SPPL2A: variants seen among roughly 807,000 people sequenced by gnomAD.
The protein encoded by SPPL2A is signal peptide peptidase-like 2A.
In SPPL2A, 51 loss-of-function variants were observed where a neutral mutation model predicts 63.8. The ratio of observed to expected loss-of-function variants is 0.80; its 90% CI spans 0.64 to 1.01. SPPL2A has a LOEUF of 1.01. Among genes scored for constraint, SPPL2A ranks in the 50% least tolerant of loss-of-function variants. The pLI is 0.00. For missense variants in SPPL2A, 553 were observed against 622.7 expected, an observed-to-expected ratio of 0.89 and a Z score of 1.19; for synonymous variants, 188 against 205.8, an observed-to-expected ratio of 0.91 and a Z score of 0.74.
intron 14 of SPPL2A, among the ~76,000 whole-genome samples, chr15:50,709,364 G>A (rs1046814931): frequency 1.2e-4 from 19 of 152,152 alleles, no homozygotes; most frequent in African/African-American, 4.6e-4. Flanking sequence ...GAAGGCTTTA[G>A]TGTTTTTTGG....
intron 1 of SPPL2A, among the ~76,000 whole-genome samples, chr15:50,753,105 A>C (rs2062924107): frequency 1.3e-5 from 2 of 152,218 alleles, no homozygotes; most frequent in Non-Finnish European, 2.9e-5. Flanking sequence ...ACATTATGAT[A>C]TGCACAGTAC....
intron 13 of SPPL2A, among the ~76,000 whole-genome samples, chr15:50,720,864 T>G (rs2062640898): frequency 6.6e-6 from 1 of 152,108 alleles, no homozygotes; most frequent in Non-Finnish European, 1.5e-5. Context: ...ACATAGGATC[T>G]CAGAATATTC....
rs1220442923 is a variant in SPPL2A at position 50,722,201 on chromosome 15, C to A, written c.1250G>T (p.Gly417Val). 1 of 1,565,724 alleles carries A rather than the reference C, an allele frequency of 6.4e-7. No individual in the cohort carries two copies. Among genetic ancestry groups the A allele is most frequent in the Non-Finnish European group, 8.8e-7 (1 of 1,141,146 alleles). ...TCTTCTACAGTATGCAATCAACAGG[C>A]CTTAAAAACAAAACAAAACATTATT... ...ILGFGDIIVP[G>V]LLIAYCRRFD... The change falls in exon 13 of 15, where the codon GGC (glycine) becomes GTC (valine). Residue 417 changes from glycine (G) to valine (V), a missense_variant and splice_region_variant. Physicochemically the swap from Gly to Val is moderately radical, Grantham distance 109. Transcript: ENST00000261854.
At chr15:50,757,604 C>T (rs1209287164) in intron 1 of SPPL2A, among the ~76,000 whole-genome samples, 1 of 152,132 alleles carries the variant, frequency 6.6e-6, no homozygotes, top group Non-Finnish European at 1.5e-5. Context: ...TCCTTACACA[C>T]AAAGGAAGCA....
At chr15:50,734,098 A>T (rs929207960) in intron 8 of SPPL2A, among the ~76,000 whole-genome samples, 4 of 152,152 alleles carry the variant, frequency 2.6e-5, no homozygotes, top group African/African-American at 9.7e-5. Context: ...TCCTCAAAAA[A>T]ACTAAAAACA....
intron 14 of SPPL2A, among the ~76,000 whole-genome samples, chr15:50,709,520 G>A (rs1443570640): frequency 3.3e-5 from 5 of 152,080 alleles, no homozygotes; most frequent in African/African-American, 7.2e-5. Context: ...GGCCGGGCGC[G>A]GTGGCTCACG....
At chr15:50,711,980 C>T (rs1189079202) in intron 14 of SPPL2A, among the ~76,000 whole-genome samples, 1 of 152,170 alleles carries the variant, frequency 6.6e-6, no homozygotes, top group Non-Finnish European at 1.5e-5. Flanking sequence ...ATGACAATTA[C>T]AGTCATTTTA....
chr15:50,745,548 CTT>C (rs34633198), intron 5 of SPPL2A, among the ~76,000 whole-genome samples: 8,699 of 118,100 alleles, frequency 0.074, 924 homozygotes, highest in African/African-American at 0.26. Context: ...TGCAGCTGGC[CTT>C]TTTTTTTTTT....
chr15:50,749,945 C>T (rs2062893821), intron 1 of SPPL2A, 199 bp from the exon 2 acceptor site: 2 of 572,168 alleles, frequency 3.5e-6, no homozygotes, highest in African/African-American at 1.9e-5. Flanking sequence ...CCCAGCACAC[C>T]TTCTTTAAGG....
intron 3 of SPPL2A, 104 bp from the exon 4 acceptor site, chr15:50,748,306 GAC>G (rs2062875676): frequency 4.0e-6 from 2 of 500,902 alleles, no homozygotes; most frequent in Admixed American, 8.2e-5. Context: ...TAAGTTATAA[GAC>G]AAAATTTCAG....
At position 50,736,121 on chromosome 15, in the gene SPPL2A, A is replaced by T; in HGVS notation, c.912T>A (p.Ala304=). The T allele has an allele frequency of 6.2e-7, 1 of 1,610,418 alleles. No individual in the cohort carries two copies. The highest frequency in any genetic ancestry group is 1.7e-4 in the Middle Eastern group (1 of 6,044). ...GLCIAVAVVW[A]VFRNEDRWAW... The stretch of plus-strand genomic sequence containing the variant: ...CATACCTGTCTTCATTTCGAAACAC[A>T]GCCCAAACAACAGCTACTGCTATGC... Residue 304 remains alanine, a synonymous_variant, in exon 8 of 15, where the codon GCT becomes GCA. Transcript: ENST00000261854.
At chr15:50,726,993 T>G (rs979310171) in intron 10 of SPPL2A, among the ~76,000 whole-genome samples, 5 of 152,152 alleles carry the variant, frequency 3.3e-5, no homozygotes, top group African/African-American at 1.2e-4. Flanking sequence ...ATCAAAACAT[T>G]AACCTTAGCT....
At chr15:50,732,496 A>C (rs1567157507) in intron 9 of SPPL2A, 107 bp downstream of exon 9, 1 of 647,144 alleles carries the variant, frequency 1.5e-6, no homozygotes, top group Non-Finnish European at 2.7e-6. Context: ...AATTTTCATA[A>C]ACAGTACGCC....
In SPPL2A at chr15:50,761,322, A is replaced by T. The variant is rs142607990; in HGVS notation, c.66+4146T>A. Among the ~76,000 whole-genome samples, 369 of 152,264 alleles carry T rather than the reference A, an allele frequency of 2.4e-3. 3 individuals carry two copies. The highest frequency in any genetic ancestry group is 8.4e-3 in the African/African-American group (349 of 41,562). On this transcript the variant is annotated intron_variant, in intron 1 of 14. Coordinates refer to ENST00000261854, the MANE Select transcript of SPPL2A (RefSeq NM_032802.4). Reference sequence around the variant, plus strand: ...TCTTCAAAGAACTTTGAAGCAATTTAAAAAGACAGAGCTGCCGGGCACGGT... The same window carrying T: ...TCTTCAAAGAACTTTGAAGCAATTTTAAAAGACAGAGCTGCCGGGCACGGT...
chr15:50,749,741 G>A lies in SPPL2A; in HGVS notation c.72C>T (p.Ala24=), dbSNP rs1411958650. The A allele has an allele frequency of 1.1e-5, 18 of 1,605,472 alleles. No homozygotes were observed. The highest frequency in any genetic ancestry group is 5.4e-5 in the African/African-American group (4 of 74,734). ...ACGCATGCAAGATTGCTTCCTGAGC[G>A]GCTGTCTAGGAGACAAACAATAACT... ...LLWGFLLQLT[A]AQEAILHASG... The change falls in exon 2 of 15, where the codon GCC becomes GCT. Residue 24 remains alanine, a synonymous_variant. Transcript: ENST00000261854.
intron 1 of SPPL2A, among the ~76,000 whole-genome samples, chr15:50,752,947 T>G (rs2062922696): frequency 6.6e-6 from 1 of 152,092 alleles, no homozygotes; most frequent in African/African-American, 2.4e-5. Context: ...ATGAGCAGCA[T>G]CTATCAAAAA....
chr15:50,719,818 A>G (rs1199570566), intron 14 of SPPL2A, 122 bp downstream of exon 14: 4 of 597,044 alleles, frequency 6.7e-6, no homozygotes, highest in Non-Finnish European at 8.7e-6. Context: ...GACAGTGAGT[A>G]AGGGGGTATT....
In SPPL2A at chr15:50,736,202, C is replaced by A. The variant is rs1404162256; in HGVS notation, c.831G>T (p.Thr277=). ...CCATGTTTTTGCCACGACATGCAAT[C>A]CTAAAAAACAGATTAAAATAGTTAA... ...LIHKIPYGQC[T]IACRGKNMEV... is the part of the protein sequence containing the mutation. Residue 277 remains threonine (T), a splice_region_variant and synonymous_variant, in exon 8 of 15, where the codon ACG becomes ACT. Transcript: ENST00000261854. The A allele has an allele frequency of 5.0e-6, 8 of 1,586,996 alleles. No individual in the cohort carries two copies. The highest frequency in any genetic ancestry group is 6.9e-6 in the Non-Finnish European group (8 of 1,156,204).
intron 1 of SPPL2A, 120 bp from the exon 2 acceptor site, chr15:50,749,866 A>G: frequency 1.5e-6 from 1 of 670,888 alleles, no homozygotes; most frequent in South Asian, 1.7e-5. Flanking sequence ...ATGGTCTTCC[A>G]TGAATTTGTT....
Sources: allele counts gnomAD v4.1 joint callset (sites outside exome capture counted in the v4.1 genomes callset), GRCh38; gene constraint gnomAD v4.1.1; transcripts MANE v1.5; gene names NCBI Gene and HGNC (gene_info 2026-07-23, HGNC 2026-07-21).